The following GALNT18 variants were observed in gnomAD, a reference collection of about 807,000 sequenced individuals.
GALNT18 encodes GalNAc-transferase 18.
In GALNT18, 44 loss-of-function variants were observed where a neutral mutation model predicts 69.5. The observed-to-expected ratio is 0.63, with a 90% CI of 0.50 to 0.81. The LOEUF is 0.81. Among genes scored for constraint, GALNT18 ranks in the 40% least tolerant of loss-of-function variants. The pLI is 0.00. For missense variants in GALNT18, 715 were observed against 810.0 expected, an observed-to-expected ratio of 0.88 and a Z score of 1.42; for synonymous variants, 364 against 318.2, an observed-to-expected ratio of 1.14 and a Z score of -1.53.
At chr11:11,357,640 CTCCTCCACTTTTT>C (rs1398074209) in intron 6 of GALNT18, among the ~76,000 whole-genome samples, 1 of 152,220 alleles carries the variant, frequency 6.6e-6, no homozygotes. Flanking sequence ...TAAATCCAGG[CTCCTCCACTTTTT>C]CTCTTGGGAC....
chr11:11,575,859 C>T (rs1019236272), intron 1 of GALNT18, among the ~76,000 whole-genome samples: 1 of 152,238 alleles, frequency 6.6e-6, no homozygotes, highest in African/African-American at 2.4e-5. Flanking sequence ...AAATTATCAT[C>T]ATGGCCACTC....
At position 11,270,998 on chromosome 11, in the gene GALNT18, G is replaced by A. The variant is rs1293607569; in HGVS notation, c.*146C>T. On this transcript the variant is annotated 3_prime_UTR_variant, in exon 11 of 11. Transcript: ENST00000227756. ...ATCAGCATCTTTCTATAAACTCCATGAAAATTGAATAGGAAATAAAAAGCT... is the reference window on the plus strand; with the variant it reads ...ATCAGCATCTTTCTATAAACTCCATAAAAATTGAATAGGAAATAAAAAGCT... 1.6e-6 allele frequency: 1 copy of A among 628,218 alleles called. No homozygotes were observed. Among genetic ancestry groups the A allele is most frequent in the Non-Finnish European group, 2.6e-6 (1 of 381,832 alleles). 38.9% of individuals were successfully genotyped at this position (628,218 alleles called of 1,614,324 possible).
At chr11:11,558,242 G>A (rs1024739571) in intron 1 of GALNT18, among the ~76,000 whole-genome samples, 3 of 152,112 alleles carry the variant, frequency 2.0e-5, no homozygotes, top group African/African-American at 7.2e-5. Context: ...TCTTAATGTG[G>A]TAGGGTTTTT....
chr11:11,400,610 T>C (rs1368836365), intron 3 of GALNT18, among the ~76,000 whole-genome samples: 1 of 152,174 alleles, frequency 6.6e-6, no homozygotes, highest in African/African-American at 2.4e-5. Flanking sequence ...GCAGATCCAG[T>C]GTCTGGTGAG....
In GALNT18 at chr11:11,592,583, T is replaced by C. The variant is rs1859384959; in HGVS notation, c.235+28776A>G. On this transcript the variant is annotated intron_variant, in intron 1 of 10. Coordinates refer to ENST00000227756, the MANE Select transcript of GALNT18 (RefSeq NM_198516.3). The surrounding 1 kb of genome is among the most constrained non-coding windows in gnomAD (Gnocchi z 5.9). ...GCACAAGCTCAAAACAACTTTCAGT[T>C]ACGAAAAAGGGTATAAACCGCCATT... Among the ~76,000 whole-genome samples, 1 of 151,996 alleles carries C rather than the reference T, an allele frequency of 6.6e-6. No homozygotes were observed. Among genetic ancestry groups the C allele is most frequent in the African/African-American group, 2.4e-5 (1 of 41,392 alleles).
intron 10 of GALNT18, among the ~76,000 whole-genome samples, chr11:11,278,015 G>A (rs769154817): frequency 6.6e-6 from 1 of 152,158 alleles, no homozygotes; most frequent in African/African-American, 2.4e-5. Flanking sequence ...TGTCTATTAA[G>A]TCCACTTGGT....
At chr11:11,466,468 C>T (rs1053478471) in intron 1 of GALNT18, among the ~76,000 whole-genome samples, 2 of 152,180 alleles carry the variant, frequency 1.3e-5, no homozygotes, top group Non-Finnish European at 2.9e-5. Flanking sequence ...AGGGATGATC[C>T]CCCATTGAAA....
intron 3 of GALNT18, among the ~76,000 whole-genome samples, chr11:11,401,256 G>A (rs1260790272): frequency 6.6e-6 from 1 of 152,220 alleles, no homozygotes; most frequent in Non-Finnish European, 1.5e-5. Flanking sequence ...AGATCTGAGA[G>A]CTCAGAGTAC....
chr11:11,353,341 T>C lies in GALNT18; in HGVS notation c.1093-12337A>G, dbSNP rs115934936. ...TAAAATCCAAATAAAAACCTTCCCA[T>C]CTCTAATCTGAGAGTCATTTTTATC... On this transcript the variant is annotated intron_variant, in intron 6 of 10. Coordinates refer to ENST00000227756, the MANE Select transcript of GALNT18 (RefSeq NM_198516.3). 4,016 of 609,062 alleles carry C rather than the reference T, an allele frequency of 6.6e-3. 39 individuals carry two copies. The highest frequency in any genetic ancestry group is 0.022 in the Middle Eastern group (51 of 2,272). The allele number at this position is 609,062 out of a possible 1,614,324, so 37.7% of individuals were successfully genotyped here.
At chr11:11,330,551 G>C (rs898453308) in intron 8 of GALNT18, among the ~76,000 whole-genome samples, 1 of 152,172 alleles carries the variant, frequency 6.6e-6, no homozygotes, top group African/African-American at 2.4e-5. Context: ...TGAATGTGTA[G>C]GGGGTCAGAG....
chr11:11,369,285 A>G (rs1288011535), intron 6 of GALNT18, among the ~76,000 whole-genome samples: 1 of 152,138 alleles, frequency 6.6e-6, no homozygotes, highest in Non-Finnish European at 1.5e-5. Flanking sequence ...AAATCAACAT[A>G]TTGACTGGGC....
chr11:11,358,434 T>C (rs1378685076), intron 6 of GALNT18, among the ~76,000 whole-genome samples: 1 of 140,740 alleles, frequency 7.1e-6, no homozygotes, highest in Admixed American at 7.1e-5. Context: ...TCATCTGAGT[T>C]TGAAATATCA....
chr11:11,489,371 A>G (rs1035476049), intron 1 of GALNT18, among the ~76,000 whole-genome samples: 18 of 152,316 alleles, frequency 1.2e-4, no homozygotes, highest in Middle Eastern at 3.4e-3. Flanking sequence ...ACTAGTACAC[A>G]TTACATTGAA....
intron 8 of GALNT18, 61 bp from the exon 9 acceptor site, chr11:11,327,242 T>A: frequency 2.4e-6 from 3 of 1,233,648 alleles, no homozygotes; most frequent in African/African-American, 1.5e-5. Context: ...GCAAATGAAT[T>A]AACTCTGGAG....
At chr11:11,281,449 G>C (rs4390336) in intron 10 of GALNT18, among the ~76,000 whole-genome samples, 29,978 of 152,226 alleles carry the variant, frequency 0.2, 3,410 homozygotes, top group Non-Finnish European at 0.25. Flanking sequence ...CCCGGACCAA[G>C]TGCCGCTGCC....
chr11:11,515,237 C>T (rs191035670), intron 1 of GALNT18, among the ~76,000 whole-genome samples: 6 of 151,938 alleles, frequency 3.9e-5, no homozygotes, highest in African/African-American at 1.4e-4. Flanking sequence ...GCAAATGACC[C>T]GTACTCAGTA....
rs1314372152 is a variant in GALNT18, at chr11:11,587,760, G to A, written c.235+33599C>T. The stretch of plus-strand genomic sequence containing the variant: ...CTGGTAGGTGATCAAACTTAAAGAA[G>A]AGGGAAAAGTCAATGGTTGGTAAAG... On this transcript the variant is annotated intron_variant, in intron 1 of 10. Transcript: ENST00000227756. This position sits in a 1 kb window ranked among gnomAD's most constrained non-coding sequence, Gnocchi z 4.4. Among the ~76,000 whole-genome samples the A allele has an allele frequency of 6.6e-5, 10 of 152,132 alleles. No individual in the cohort carries two copies. The highest frequency in any genetic ancestry group is 6.5e-4 in the Admixed American group (10 of 15,274).
chr11:11,478,560 A>G (rs1440136144), intron 1 of GALNT18, among the ~76,000 whole-genome samples: 3 of 152,230 alleles, frequency 2.0e-5, no homozygotes, highest in Non-Finnish European at 4.4e-5. Context: ...AGGATGGAGC[A>G]CTCCTGGAAA....
At chr11:11,485,585 G>A (rs1341229917) in intron 1 of GALNT18, among the ~76,000 whole-genome samples, 3 of 152,166 alleles carry the variant, frequency 2.0e-5, no homozygotes, top group South Asian at 4.1e-4. Context: ...TCCTTTTAGG[G>A]AGAAGTCTTT....
Sources: gnomAD v4.1 joint callset for allele counts (sites outside exome capture counted in the v4.1 genomes callset) on GRCh38, gnomAD v4.1.1 for gene constraint, Gnocchi (gnomAD v3.1) non-coding constraint, MANE v1.5 for transcripts, NCBI Gene and HGNC (gene_info 2026-07-23, HGNC 2026-07-21) for gene names.